DNAJC6: variants seen among roughly 807,000 people sequenced by gnomAD.
DNAJC6 encodes the protein DnaJ heat shock protein family (Hsp40) member C6, also known as auxilin.
A neutral mutation model predicts 110.0 loss-of-function variants in DNAJC6; 34 were observed. That is an observed-to-expected ratio of 0.31 (90% CI 0.24 to 0.41). The LOEUF (loss-of-function observed/expected upper bound fraction) is 0.41, where lower values mean the gene tolerates loss of function less well. Ranked by LOEUF, DNAJC6 falls within the 10% of genes least tolerant of loss-of-function variation. The probability of loss-of-function intolerance (pLI) is 1.00; values close to 1 mark genes in which losing one functional copy is unlikely to be tolerated. For missense variants in DNAJC6, 1,031 were observed against 1,207.8 expected (o/e 0.85, Z 2.17); for synonymous variants, 406 against 437.2 (o/e 0.93, Z 0.89).
intron 1 of DNAJC6, among the ~76,000 whole-genome samples, chr1:65,304,048 C>T (rs1645014699): frequency 6.6e-6 from 1 of 152,106 alleles, no homozygotes; most frequent in Admixed American, 6.5e-5. Context: ...GTTACTTAAC[C>T]TCTCCAAGTC....
chr1:65,353,099 G>C (rs1169820425), intron 1 of DNAJC6, among the ~76,000 whole-genome samples: 2 of 152,054 alleles, frequency 1.3e-5, no homozygotes, highest in African/African-American at 4.8e-5. Flanking sequence ...CATTTTCTCT[G>C]TTCCAGGGTG....
intron 1 of DNAJC6, among the ~76,000 whole-genome samples, chr1:65,301,903 G>C (rs1245081038): frequency 3.3e-5 from 5 of 151,626 alleles, no homozygotes; most frequent in African/African-American, 1.2e-4. Context: ...CACCCTCTGG[G>C]ATGAGGGTCT....
At chr1:65,342,361 C>A (rs915547977) in intron 1 of DNAJC6, among the ~76,000 whole-genome samples, 9 of 152,082 alleles carry the variant, frequency 5.9e-5, no homozygotes, top group African/African-American at 1.2e-4. Flanking sequence ...GCAGAGCCAT[C>A]GTGAACGAGA....
At chr1:65,379,018 A>G (rs1478122976) in intron 4 of DNAJC6, among the ~76,000 whole-genome samples, 1 of 152,230 alleles carries the variant, frequency 6.6e-6, no homozygotes, top group Non-Finnish European at 1.5e-5. Flanking sequence ...GAGCTGGGAT[A>G]AATTAGAGAT....
At chr1:65,356,499 G>A (rs537677873) in intron 1 of DNAJC6, among the ~76,000 whole-genome samples, 36 of 151,886 alleles carry the variant, frequency 2.4e-4, no homozygotes, top group Non-Finnish European at 4.1e-4. Flanking sequence ...AGGAGGTGGA[G>A]GTTGCAGTGA....
chr1:65,381,866 G>A (rs188999718), intron 5 of DNAJC6, among the ~76,000 whole-genome samples: 1 of 152,312 alleles, frequency 6.6e-6, no homozygotes, highest in Admixed American at 6.5e-5. Context: ...TGATGTTTAA[G>A]ACAAAGCTGG....
At position 65,397,336 on chromosome 1, in the gene DNAJC6, A is replaced by G. The variant is rs181888784; in HGVS notation, c.2039-1477A>G. On this transcript the variant is annotated intron_variant, in intron 13 of 18. Coordinates refer to ENST00000371069, the MANE Select transcript of DNAJC6 (RefSeq NM_001256864.2). ...TCGCCAATCTCTCATGAAAATAAAA[A>G]AAATACTGCCTTTGGGCTCAACAAA... 9.2e-5 allele frequency among the ~76,000 whole-genome samples: 14 copies of G among 152,324 alleles called. 1 individual carries two copies. In the East Asian group the frequency reaches 2.7e-3, roughly 29 times the overall value.
intron 9 of DNAJC6, 112 bp from the exon 10 acceptor site, chr1:65,389,144 G>A: frequency 1.0e-6 from 1 of 993,568 alleles, no homozygotes; most frequent in Middle Eastern, 3.3e-4. Flanking sequence ...GTCTTTTTTA[G>A]AAATGAGACT....
At chr1:65,409,161 GA>G (rs2101640741) in intron 17 of DNAJC6, among the ~76,000 whole-genome samples, 1 of 152,166 alleles carries the variant, frequency 6.6e-6, no homozygotes, top group Admixed American at 6.5e-5. Flanking sequence ...CTCCCAATAG[GA>G]AGCCCTAACC....
chr1:65,320,020 G>A (rs1233834676), intron 1 of DNAJC6, among the ~76,000 whole-genome samples: 2 of 152,164 alleles, frequency 1.3e-5, no homozygotes, highest in African/African-American at 2.4e-5. Context: ...ATATGTGTAC[G>A]CATGTGACTT....
intron 1 of DNAJC6, chr1:65,298,918 C>G (rs2101264746): frequency 6.6e-6 from 1 of 152,346 alleles, no homozygotes; most frequent in South Asian, 2.1e-4. Flanking sequence ...TATGAAATGA[C>G]AGATGCTTGG....
chr1:65,273,091 A>G (rs2265067), intron 1 of DNAJC6, among the ~76,000 whole-genome samples: 110,604 of 151,984 alleles, frequency 0.73, 41,431 homozygotes, highest in East Asian at 0.98. Context: ...AAGGTCTTAT[A>G]CATTTGAGTA....
intron 1 of DNAJC6, among the ~76,000 whole-genome samples, chr1:65,303,219 T>G (rs1645005855): frequency 6.6e-6 from 1 of 152,202 alleles, no homozygotes; most frequent in South Asian, 2.1e-4. Flanking sequence ...TGAACACCTA[T>G]TACTTGGCAG....
At chr1:65,337,618 G>T (rs1645349968) in intron 1 of DNAJC6, among the ~76,000 whole-genome samples, 1 of 151,828 alleles carries the variant, frequency 6.6e-6, no homozygotes, top group Non-Finnish European at 1.5e-5. Flanking sequence ...AACCAACCCT[G>T]AATCAAAAAT....
At chr1:65,342,267 T>C (rs1645395765) in intron 1 of DNAJC6, among the ~76,000 whole-genome samples, 1 of 152,122 alleles carries the variant, frequency 6.6e-6, no homozygotes, top group Non-Finnish European at 1.5e-5. Context: ...GTCCCCTCCT[T>C]TCCCAGATTC....
At position 65,380,921 on chromosome 1, in the gene DNAJC6, GT is replaced by G. The variant is rs1162044500; in HGVS notation, c.666+1413del. ...TTTTTTTTGTTTTTTGTTTTGTTTT[GT>G]TTTTTTTTTTTTTTTGGGACCGAGT... On this transcript the variant is annotated intron_variant, in intron 5 of 18. Transcript: ENST00000371069. Among the ~76,000 whole-genome samples the G allele has an allele frequency of 3.2e-3, 319 of 99,310 alleles. 2 individuals carry two copies. Among genetic ancestry groups the G allele is most frequent in the Non-Finnish European group, 3.4e-3 (195 of 58,016 alleles). 65.2% of individuals were successfully genotyped at this position (99,310 alleles called of 152,430 possible). A position where few individuals can be genotyped will look rare whatever the true frequency, so the allele number is the denominator to read the frequency against.
chr1:65,331,670 A>T (rs568791807), intron 1 of DNAJC6, among the ~76,000 whole-genome samples: 9 of 152,298 alleles, frequency 5.9e-5, no homozygotes, highest in Admixed American at 3.9e-4. Flanking sequence ...ATTTCTAATT[A>T]TAACTTGAGC....
chr1:65,370,486 A>T lies in DNAJC6; in HGVS notation c.543+4290A>T, dbSNP rs1570338690. ...ATAGCTGTGCCCCAGAATATCAGGAACCTTTACACATTTCTTGGCATTACT... is the reference window on the plus strand; with the variant it reads ...ATAGCTGTGCCCCAGAATATCAGGATCCTTTACACATTTCTTGGCATTACT... On this transcript the variant is annotated intron_variant, in intron 4 of 18. Transcript: ENST00000371069. 2.6e-5 allele frequency among the ~76,000 whole-genome samples: 4 copies of T among 152,278 alleles called. No homozygotes were observed. In the South Asian group the frequency reaches 8.3e-4, roughly 32 times the overall value.
At chr1:65,313,742 C>T (rs762932767) in intron 1 of DNAJC6, among the ~76,000 whole-genome samples, 1 of 152,206 alleles carries the variant, frequency 6.6e-6, no homozygotes, top group Non-Finnish European at 1.5e-5. Flanking sequence ...TCAACAGCCT[C>T]TCAAGTGGTA....
Sources: gnomAD v4.1 joint callset for allele counts (sites outside exome capture counted in the v4.1 genomes callset) on GRCh38, gnomAD v4.1.1 for gene constraint, MANE v1.5 for transcripts, NCBI Gene and HGNC (gene_info 2026-07-23, HGNC 2026-07-21) for gene names.